PCDH7: variants seen among roughly 807,000 people sequenced by gnomAD.
PCDH7 encodes protocadherin 7, also known as protocadherin-7.
PCDH7 carries 17 observed loss-of-function variants against 58.9 expected under a neutral mutation model. The observed-to-expected ratio is 0.29, with a 90% CI of 0.20 to 0.43. The LOEUF is 0.43. Ranked by LOEUF, PCDH7 falls within the 20% of genes least tolerant of loss-of-function variation. PCDH7 has a pLI of 1.00. For synonymous variants in PCDH7, 664 were observed against 616.4 expected (o/e 1.08, Z -1.14); for missense variants, 1,274 against 1,441.0 (o/e 0.88, Z 1.88).
At chr4:30,898,683 C>G (rs970503181) in intron 1 of PCDH7, among the ~76,000 whole-genome samples, 2 of 152,172 alleles carry the variant, frequency 1.3e-5, no homozygotes, top group Non-Finnish European at 1.5e-5. Context: ...CTCCACCTCC[C>G]GGGTTCACAC....
chr4:31,069,567 T>C (rs181530725), intron 3 of PCDH7, among the ~76,000 whole-genome samples: 6 of 152,176 alleles, frequency 3.9e-5, no homozygotes, highest in African/African-American at 1.4e-4. Context: ...TCCAAAATGA[T>C]ACTTTAATGC....
rs577025953 is a variant in PCDH7, at chr4:31,005,901, G to A, written c.*7+55686G>A. On this transcript the variant is annotated intron_variant, in intron 3 of 3. Coordinates refer to the PCDH7 transcript ENST00000509759. ...TACAGAGTAGTGGTTAACAGGTCAAGTTAGATAAATTCCTGGGTTGCAGCC... is the reference window on the plus strand; with the variant it reads ...TACAGAGTAGTGGTTAACAGGTCAAATTAGATAAATTCCTGGGTTGCAGCC... Among the ~76,000 whole-genome samples, 30 of 152,316 alleles carry A rather than the reference G, an allele frequency of 2.0e-4. No individual in the cohort carries two copies. The South Asian group carries it at 2.7e-3, about 14-fold the overall frequency.
chr4:30,753,860 T>A (rs187923273), intron 1 of PCDH7, among the ~76,000 whole-genome samples: 1 of 152,264 alleles, frequency 6.6e-6, no homozygotes, highest in African/African-American at 2.4e-5. Context: ...AAATATGGAA[T>A]GATATTGGAA....
At chr4:30,946,017 C>T (rs1185839985) in intron 2 of PCDH7, among the ~76,000 whole-genome samples, 1 of 152,158 alleles carries the variant, frequency 6.6e-6, no homozygotes, top group Non-Finnish European at 1.5e-5. Flanking sequence ...AGCATGGCCT[C>T]CCCTGAGGAA....
At chr4:31,050,862 A>G (rs1471786387) in intron 3 of PCDH7, among the ~76,000 whole-genome samples, 1 of 152,118 alleles carries the variant, frequency 6.6e-6, no homozygotes, top group Non-Finnish European at 1.5e-5. Context: ...TATTTTAGAG[A>G]TTGATAATAG....
At chr4:30,755,615 A>G (rs1719191868) in intron 1 of PCDH7, among the ~76,000 whole-genome samples, 1 of 152,170 alleles carries the variant, frequency 6.6e-6, no homozygotes, top group Admixed American at 6.5e-5. Flanking sequence ...TGTGCAGAAA[A>G]AATGGTTACC....
At chr4:30,851,061 T>C (rs1732671632) in intron 1 of PCDH7, among the ~76,000 whole-genome samples, 1 of 152,060 alleles carries the variant, frequency 6.6e-6, no homozygotes, top group African/African-American at 2.4e-5. Context: ...CTTTTGGAAA[T>C]GTGTCTTGTT....
intron 1 of PCDH7, among the ~76,000 whole-genome samples, chr4:30,829,797 C>T (rs1223058551): frequency 1.3e-5 from 2 of 152,050 alleles, no homozygotes; most frequent in Non-Finnish European, 2.9e-5. Context: ...GCTTTATCAT[C>T]TTATTGCACA....
intron 1 of PCDH7, among the ~76,000 whole-genome samples, chr4:30,756,407 G>GTTTGGACATTT (rs1719314014): frequency 6.6e-6 from 1 of 152,070 alleles, no homozygotes; most frequent in Admixed American, 6.6e-5. Context: ...GCACCCACCC[G>GTTTGGACATTT]GAAGATGAGG....
Position 30,721,456 on chromosome 4 carries a change from G to A in PCDH7, c.34G>A (p.Gly12Ser), listed in dbSNP as rs1295103133. The change falls in exon 1 of 2, where the codon GGC becomes AGC. Residue 12 changes from glycine to serine, a missense_variant. By Grantham distance (56) the Gly-to-Ser change is moderately conservative. Transcript: ENST00000361762. The surrounding 1 kb of genome is among the most constrained non-coding windows in gnomAD (Gnocchi z 6.7). Reference sequence around the variant, plus strand: ...GATGCGGACCGCGGGATGGGCGCGCGGCTGGTGCTTGGGCTGCTGCCTCCT... The same window carrying A: ...GATGCGGACCGCGGGATGGGCGCGCAGCTGGTGCTTGGGCTGCTGCCTCCT... 1.9e-6 allele frequency: 3 copies of A among 1,553,394 alleles called. No individual in the cohort carries two copies. Among genetic ancestry groups the A allele is most frequent in the Non-Finnish European group, 2.6e-6 (3 of 1,154,052 alleles).
At chr4:31,022,807 A>C (rs192799485) in intron 3 of PCDH7, among the ~76,000 whole-genome samples, 1 of 152,296 alleles carries the variant, frequency 6.6e-6, no homozygotes, top group East Asian at 1.9e-4. Flanking sequence ...TTGTCTTTCA[A>C]AAAGCTTACA....
chr4:30,827,394 T>C (rs988765084), intron 1 of PCDH7, among the ~76,000 whole-genome samples: 1 of 152,168 alleles, frequency 6.6e-6, no homozygotes, highest in African/African-American at 2.4e-5. Context: ...CAAGTCTCTG[T>C]CTGTAAAGAC....
chr4:30,735,201 GT>G (rs1397820559), downstream of PCDH7, among the ~76,000 whole-genome samples: 5 of 152,126 alleles, frequency 3.3e-5, no homozygotes, highest in African/African-American at 1.2e-4. Flanking sequence ...TGGAGAAGAT[GT>G]AGATACATGT....
intron 2 of PCDH7, among the ~76,000 whole-genome samples, chr4:30,942,721 T>G (rs137987760): frequency 6.6e-6 from 1 of 152,072 alleles, no homozygotes; most frequent in Admixed American, 6.6e-5. Flanking sequence ...AAATTTGAAT[T>G]CTTACTACAT....
At chr4:30,953,931 TTGAC>T (rs1747601371) in intron 3 of PCDH7, among the ~76,000 whole-genome samples, 1 of 152,142 alleles carries the variant, frequency 6.6e-6, no homozygotes, top group South Asian at 2.1e-4. Flanking sequence ...ATTGACTTGA[TTGAC>T]TGATAATATG....
At chr4:30,964,787 A>C (rs1280967206) in intron 3 of PCDH7, among the ~76,000 whole-genome samples, 2 of 152,072 alleles carry the variant, frequency 1.3e-5, no homozygotes, top group Non-Finnish European at 2.9e-5. Context: ...ACAAACTAAA[A>C]AGTCCTTTCC....
intron 2 of PCDH7, chr4:30,935,194 A>G (rs1745196406): frequency 5.2e-6 from 1 of 191,974 alleles, no homozygotes; most frequent in Non-Finnish European, 9.6e-6. Context: ...ATATTGAGTT[A>G]TTTATAGATA....
Position 30,723,402 on chromosome 4 carries a change from G to T in PCDH7, c.1980G>T (p.Met660Ile). 1 of 1,614,216 alleles carries T rather than the reference G, an allele frequency of 6.2e-7. No homozygotes were observed. The highest frequency in any genetic ancestry group is 1.3e-5 in the African/African-American group (1 of 75,054). ...TGCAGCCCAACAGCCCTGTGGGGATGGTCACCGTGATGGATGCTGACAAGG... is the reference window on the plus strand; with the variant it reads ...TGCAGCCCAACAGCCCTGTGGGGATTGTCACCGTGATGGATGCTGACAAGG... The change falls in exon 1 of 2, where the codon ATG becomes ATT. Residue 660 changes from methionine to isoleucine, a missense_variant. Coordinates refer to ENST00000361762, the Ensembl canonical transcript of PCDH7. The surrounding 1 kb of genome is among the most constrained non-coding windows in gnomAD (Gnocchi z 4.6).
In PCDH7 at chr4:30,972,124, G is replaced by T. The variant is rs546427140; in HGVS notation, c.*7+21909G>T. On this transcript the variant is annotated intron_variant, in intron 3 of 3. Coordinates refer to the PCDH7 transcript ENST00000509759. The stretch of plus-strand genomic sequence containing the variant: ...GGCAGTCATATCACTTCTTCAAGAT[G>T]AAAAGGAATTTTTTTATAACTAAAA... Among the ~76,000 whole-genome samples, 3 of 152,244 alleles carry T rather than the reference G, an allele frequency of 2.0e-5. No individual in the cohort carries two copies. In the East Asian group the frequency reaches 5.8e-4, roughly 29 times the overall value.
Sources: allele counts gnomAD v4.1 joint callset (sites outside exome capture counted in the v4.1 genomes callset), GRCh38; gene constraint gnomAD v4.1.1; non-coding constraint Gnocchi (gnomAD v3.1); transcripts MANE v1.5; gene names NCBI Gene and HGNC (gene_info 2026-07-23, HGNC 2026-07-21).